The following PTPRE variants were observed in gnomAD, a reference collection of about 807,000 sequenced individuals.
PTPRE encodes receptor-type tyrosine-protein phosphatase epsilon.
PTPRE carries 51 observed loss-of-function variants against 102.0 expected under a neutral mutation model. The observed-to-expected ratio is 0.50, with a 90% CI of 0.40 to 0.63. The LOEUF (loss-of-function observed/expected upper bound fraction) is 0.63. Among genes scored for constraint, PTPRE ranks in the 30% least tolerant of loss-of-function variants. PTPRE has a pLI of 0.00. For missense variants in PTPRE, 752 were observed against 915.1 expected (o/e 0.82, Z 2.30); for synonymous variants, 345 against 348.2 (o/e 0.99, Z 0.10).
At chr10:128,052,871 CCT>C (rs1384552042) in intron 6 of PTPRE, among the ~76,000 whole-genome samples, 19 of 152,304 alleles carry the variant, frequency 1.2e-4, no homozygotes, top group Admixed American at 3.9e-4. Flanking sequence ...ACTGCCCACA[CCT>C]AGCTTCTTGT....
chr10:127,943,355 T>A (rs944139081), intron 1 of PTPRE, among the ~76,000 whole-genome samples: 2 of 152,218 alleles, frequency 1.3e-5, no homozygotes, highest in African/African-American at 4.8e-5. Context: ...ACCCTCGAGT[T>A]GAGGAGTAGG....
chr10:127,997,382 G>C (rs570144250), intron 2 of PTPRE, among the ~76,000 whole-genome samples: 1 of 152,310 alleles, frequency 6.6e-6, no homozygotes, highest in African/African-American at 2.4e-5. Context: ...TGCTGCTGCT[G>C]GCTGTGAGGC....
chr10:127,947,215 T>C (rs1848686690), intron 1 of PTPRE, among the ~76,000 whole-genome samples: 1 of 152,164 alleles, frequency 6.6e-6, no homozygotes, highest in Non-Finnish European at 1.5e-5. Flanking sequence ...ATTTATTTAG[T>C]GATTGGAAAA....
chr10:127,916,103 C>T (rs36058596), intron 1 of PTPRE, among the ~76,000 whole-genome samples: 9,550 of 152,072 alleles, frequency 0.063, 391 homozygotes, highest in Non-Finnish European at 0.085. Flanking sequence ...GCTGGATGCT[C>T]CTGTGGAGGA....
chr10:127,935,005 C>A (rs990082135), intron 1 of PTPRE: 2 of 152,300 alleles, frequency 1.3e-5, no homozygotes, highest in Non-Finnish European at 2.9e-5. Context: ...CTGTCCGTGC[C>A]TCTACATACC....
rs578204950 is a variant in PTPRE, at chr10:128,053,807, C to T, written c.421-2316C>T. 8.5e-5 allele frequency among the ~76,000 whole-genome samples: 13 copies of T among 152,286 alleles called. No individual in the cohort carries two copies. In the East Asian group the frequency reaches 2.5e-3, roughly 29 times the overall value. ...AGAGAGTCTCTCTCTGTCCCCCAGG[C>T]TGGAGTGCAGTGGTGAAATCTTGGC... On this transcript the variant is annotated intron_variant, in intron 6 of 20. Transcript: ENST00000254667.
intron 2 of PTPRE, among the ~76,000 whole-genome samples, chr10:128,040,087 C>T (rs74159145): frequency 0.071 from 10,800 of 152,230 alleles, 509 homozygotes; most frequent in African/African-American, 0.13. Context: ...TAAATACCTG[C>T]ATCCCAGGGT....
At chr10:128,005,856 G>A (rs1016947843) in intron 2 of PTPRE, among the ~76,000 whole-genome samples, 1 of 152,164 alleles carries the variant, frequency 6.6e-6, no homozygotes, top group African/African-American at 2.4e-5. Flanking sequence ...AAGGCTCTGG[G>A]AGGGATTCTT....
At chr10:127,948,329 C>A (rs911662439) in intron 1 of PTPRE, among the ~76,000 whole-genome samples, 2 of 152,160 alleles carry the variant, frequency 1.3e-5, no homozygotes, top group African/African-American at 4.8e-5. Flanking sequence ...CCTACACACA[C>A]ACAGCCTCCC....
chr10:128,052,914 G>A (rs886986556), intron 6 of PTPRE, among the ~76,000 whole-genome samples: 12 of 152,114 alleles, frequency 7.9e-5, no homozygotes, highest in African/African-American at 2.7e-4. Flanking sequence ...CGACACTACC[G>A]AGCGGAGAGA....
At chr10:127,940,226 C>A (rs1848141364) in intron 1 of PTPRE, among the ~76,000 whole-genome samples, 1 of 152,110 alleles carries the variant, frequency 6.6e-6, no homozygotes, top group Non-Finnish European at 1.5e-5. Flanking sequence ...ATCCCAGGAC[C>A]TCTCTCTAAA....
chr10:127,917,188 T>G (rs2094181453), intron 1 of PTPRE, among the ~76,000 whole-genome samples: 1 of 150,812 alleles, frequency 6.6e-6, no homozygotes. Flanking sequence ...AGACACAGGC[T>G]TACGAGATGA....
chr10:128,068,053 C>T (rs183471510), intron 11 of PTPRE, 70 bp from the exon 12 acceptor site: 1 of 1,534,492 alleles, frequency 6.5e-7, no homozygotes, highest in Non-Finnish European at 8.8e-7. Context: ...GCGGCGTCCT[C>T]AGAATGAGAT....
At chr10:127,967,202 ATTTG>A (rs1850321544) in intron 1 of PTPRE, among the ~76,000 whole-genome samples, 1 of 152,168 alleles carries the variant, frequency 6.6e-6, no homozygotes, top group African/African-American at 2.4e-5. Context: ...AAATTAATGA[ATTTG>A]TTTGCTTATT....
At chr10:128,018,557 C>T (rs764922355) in intron 2 of PTPRE, among the ~76,000 whole-genome samples, 1 of 152,138 alleles carries the variant, frequency 6.6e-6, no homozygotes, top group Non-Finnish European at 1.5e-5. Context: ...CGGTGTTGGC[C>T]GAGGCCCTCG....
At chr10:127,965,863 C>T (rs1378300067) in intron 1 of PTPRE, among the ~76,000 whole-genome samples, 1 of 152,258 alleles carries the variant, frequency 6.6e-6, no homozygotes, top group Non-Finnish European at 1.5e-5. Flanking sequence ...ACTGCAGCCA[C>T]AACCCTGGAC....
rs903423502 is a variant in PTPRE, at chr10:128,056,268, T to C, written c.511+55T>C. ...CAATGGTGTTTGCACTAAACTCAGC[T>C]TTGCCTTGCAGCTCCCCGTGACTGC... On this transcript the variant is annotated intron_variant, in intron 7 of 20. Transcript: ENST00000254667. The C allele has an allele frequency of 9.5e-6, 14 of 1,475,386 alleles. No individual in the cohort carries two copies. The African/African-American group carries it at 2.0e-4, about 21-fold the overall frequency. 91.4% of individuals were successfully genotyped at this position (1,475,386 alleles called of 1,614,324 possible).
At chr10:128,036,849 C>G (rs1182784745) in intron 2 of PTPRE, among the ~76,000 whole-genome samples, 1 of 152,158 alleles carries the variant, frequency 6.6e-6, no homozygotes, top group Non-Finnish European at 1.5e-5. Flanking sequence ...GGTGGGAGGT[C>G]TGGGATGGTC....
At position 127,942,495 on chromosome 10, in the gene PTPRE, A is replaced by G. The variant is rs564266343; in HGVS notation, c.-31+35186A>G. Among the ~76,000 whole-genome samples, 47 of 152,394 alleles carry G rather than the reference A, an allele frequency of 3.1e-4. 1 individual carries two copies. Among genetic ancestry groups the G allele is most frequent in the African/African-American group, 1.0e-3 (43 of 41,594 alleles). On this transcript the variant is annotated intron_variant, in intron 1 of 20. Coordinates refer to ENST00000254667, the MANE Select transcript of PTPRE (RefSeq NM_006504.6). ...CAAAATGTCCATCAAGGGATGAATGAATAACCAAAATGTGGTCATACATGC... is the reference window on the plus strand; with the variant it reads ...CAAAATGTCCATCAAGGGATGAATGGATAACCAAAATGTGGTCATACATGC...
Sources: gnomAD v4.1 joint callset for allele counts (sites outside exome capture counted in the v4.1 genomes callset) on GRCh38, gnomAD v4.1.1 for gene constraint, MANE v1.5 for transcripts, NCBI Gene and HGNC (gene_info 2026-07-23, HGNC 2026-07-21) for gene names.